ZNF385D: variants seen among roughly 807,000 people sequenced by gnomAD.
ZNF385D encodes zinc finger protein 385D.
A neutral mutation model predicts 35.8 loss-of-function variants in ZNF385D; 15 were observed. That is an observed-to-expected ratio of 0.42 (90% CI 0.28 to 0.64). The LOEUF is 0.64. Ranked by LOEUF, ZNF385D falls within the 30% of genes least tolerant of loss-of-function variation. ZNF385D has a pLI of 0.23. For missense variants in ZNF385D, 474 were observed against 494.6 expected (o/e 0.96, Z 0.39); for synonymous variants, 212 against 186.8 (o/e 1.13, Z -1.10).
In ZNF385D at chr3:21,904,935, G is replaced by C. The variant is rs1699595351; in HGVS notation, c.326-239907C>G. 2.0e-5 allele frequency among the ~76,000 whole-genome samples: 3 copies of C among 151,836 alleles called. No homozygotes were observed. The South Asian group carries it at 6.2e-4, about 31-fold the overall frequency. ...GATAGATGGAATATTCTAGAATATG[G>C]GTTTATCTGAAAGTACAAGAAAGAA... On this transcript the variant is annotated intron_variant, in intron 3 of 5. Transcript: ENST00000494108.
At position 21,444,297 on chromosome 3, in the gene ZNF385D, G is replaced by T. The variant is rs370813863; in HGVS notation, c.440-7094C>A. ...GGGTTTCACCATGTTGGTCAGGCTGGTCTTGAACTCCTGACCTGACGATCT... is the reference window on the plus strand; with the variant it reads ...GGGTTTCACCATGTTGGTCAGGCTGTTCTTGAACTCCTGACCTGACGATCT... On this transcript the variant is annotated intron_variant, in intron 4 of 7. Coordinates refer to ENST00000281523, the MANE Select transcript of ZNF385D (RefSeq NM_024697.3). Among the ~76,000 whole-genome samples the T allele has an allele frequency of 2.7e-5, 4 of 150,936 alleles. No individual in the cohort carries two copies. In the South Asian group the frequency reaches 8.4e-4, roughly 32 times the overall value.
intron 3 of ZNF385D, among the ~76,000 whole-genome samples, chr3:22,074,015 C>G (rs1700350950): frequency 6.6e-6 from 1 of 151,944 alleles, no homozygotes; most frequent in Admixed American, 6.6e-5. Flanking sequence ...ATGTTCTCTT[C>G]ATATGTCCAG....
At chr3:21,762,781 T>G (rs1041630041) in intron 3 of ZNF385D, among the ~76,000 whole-genome samples, 1 of 152,200 alleles carries the variant, frequency 6.6e-6, no homozygotes, top group Non-Finnish European at 1.5e-5. Flanking sequence ...CCCTTGGTCG[T>G]GGACCATATC....
intron 2 of ZNF385D, among the ~76,000 whole-genome samples, chr3:22,309,528 A>G (rs569027603): frequency 2.0e-5 from 3 of 152,220 alleles, no homozygotes; most frequent in South Asian, 4.1e-4. Context: ...CTATTCAACT[A>G]TTTAAATATA....
intron 1 of ZNF385D, among the ~76,000 whole-genome samples, chr3:21,717,254 C>G (rs545829234): frequency 2.0e-4 from 31 of 152,216 alleles, no homozygotes; most frequent in African/African-American, 7.5e-4. Flanking sequence ...TACAGTTATG[C>G]CTTTAACTAA....
At chr3:21,975,784 T>C (rs1180660708) in intron 3 of ZNF385D, among the ~76,000 whole-genome samples, 1 of 145,364 alleles carries the variant, frequency 6.9e-6, no homozygotes, top group South Asian at 2.2e-4. Context: ...CAAAAATATA[T>C]ATCTACTATG....
chr3:22,083,267 G>A (rs539629875), intron 3 of ZNF385D, among the ~76,000 whole-genome samples: 3 of 151,502 alleles, frequency 2.0e-5, no homozygotes, highest in South Asian at 2.1e-4. Flanking sequence ...TCAGAAGGTC[G>A]GTAATAACAA....
At position 22,221,489 on chromosome 3, in the gene ZNF385D, GTTC is replaced by G. The variant is rs990740025; in HGVS notation, c.107-52457_107-52455del. On this transcript the variant is annotated intron_variant, in intron 2 of 5. Transcript: ENST00000494108. ...AGTTTGACAAGCATTGCGTTAGAGT[GTTC>G]TTAAGACTGAAAATCTTCACTAATT... Among the ~76,000 whole-genome samples, 3 of 152,078 alleles carry G rather than the reference GTTC, an allele frequency of 2.0e-5. 1 individual carries two copies. The highest frequency in any genetic ancestry group is 2.0e-4 in the Admixed American group (3 of 15,252).
intron 3 of ZNF385D, among the ~76,000 whole-genome samples, chr3:21,821,145 G>A (rs1202717351): frequency 6.6e-6 from 1 of 151,794 alleles, no homozygotes; most frequent in Non-Finnish European, 1.5e-5. Context: ...AAATCTTACA[G>A]GTAAATGTTT....
At chr3:21,532,681 C>CA (rs58032064) in intron 3 of ZNF385D, among the ~76,000 whole-genome samples, 35,988 of 126,520 alleles carry the variant, frequency 0.28, 5,024 homozygotes, top group East Asian at 0.54. Context: ...ATAATATTTC[C>CA]AAAAAAAAAA....
chr3:21,885,795 G>A (rs977008921), intron 3 of ZNF385D, among the ~76,000 whole-genome samples: 7 of 148,478 alleles, frequency 4.7e-5, no homozygotes, highest in Non-Finnish European at 7.5e-5. Context: ...AAGAGAGACC[G>A]ATTTATTTAA....
At chr3:21,795,864 T>C (rs895219803) in intron 3 of ZNF385D, among the ~76,000 whole-genome samples, 15 of 152,076 alleles carry the variant, frequency 9.9e-5, no homozygotes, top group African/African-American at 3.4e-4. Context: ...AAACAGAAAA[T>C]ATGATTTTTA....
chr3:21,624,340 C>T (rs747948671), intron 2 of ZNF385D, among the ~76,000 whole-genome samples: 1 of 151,922 alleles, frequency 6.6e-6, no homozygotes, highest in African/African-American at 2.4e-5. Context: ...CAGGGGGTGA[C>T]CTCCAAAATT....
chr3:21,944,176 G>C (rs1701665441), intron 3 of ZNF385D, among the ~76,000 whole-genome samples: 1 of 152,158 alleles, frequency 6.6e-6, no homozygotes, highest in Admixed American at 6.5e-5. Context: ...AACTTACCCA[G>C]CAGCATTGCA....
chr3:21,697,131 T>C (rs1194251573), intron 1 of ZNF385D, among the ~76,000 whole-genome samples: 2 of 152,132 alleles, frequency 1.3e-5, no homozygotes, highest in African/African-American at 4.8e-5. Flanking sequence ...GTACTTAGCC[T>C]CCTTGTACCT....
intron 1 of ZNF385D, among the ~76,000 whole-genome samples, chr3:21,739,356 C>A (rs150459639): frequency 6.6e-6 from 1 of 152,150 alleles, no homozygotes; most frequent in Non-Finnish European, 1.5e-5. Flanking sequence ...ATGGAAGCTG[C>A]GGTGGAGGAG....
At chr3:21,668,332 G>C (rs1282602416) in intron 1 of ZNF385D, among the ~76,000 whole-genome samples, 1 of 152,178 alleles carries the variant, frequency 6.6e-6, no homozygotes, top group Non-Finnish European at 1.5e-5. Flanking sequence ...AAACTCTGAA[G>C]CTCTATTTTA....
At chr3:22,272,599 T>C (rs1393786786) in intron 2 of ZNF385D, among the ~76,000 whole-genome samples, 1 of 152,036 alleles carries the variant, frequency 6.6e-6, no homozygotes, top group Non-Finnish European at 1.5e-5. Context: ...ATGGGCATTG[T>C]GAAGACATTA....
At chr3:21,655,113 AC>A (rs202241732) in intron 2 of ZNF385D, among the ~76,000 whole-genome samples, 2,694 of 151,914 alleles carry the variant, frequency 0.018, 81 homozygotes, top group African/African-American at 0.062. Flanking sequence ...AGTGCAAAAA[AC>A]AACAACAACA....
Sources: allele counts gnomAD v4.1 joint callset (sites outside exome capture counted in the v4.1 genomes callset), GRCh38; gene constraint gnomAD v4.1.1; transcripts MANE v1.5; gene names NCBI Gene and HGNC (gene_info 2026-07-23, HGNC 2026-07-21).